The following AMMECR1 variants were observed in gnomAD, a reference collection of about 807,000 sequenced individuals.
The protein encoded by AMMECR1 is nuclear protein AMMECR1.
A neutral mutation model predicts 22.5 loss-of-function variants in AMMECR1; 3 were observed. That is an observed-to-expected ratio of 0.13 (90% CI 0.06 to 0.35). The LOEUF (loss-of-function observed/expected upper bound fraction) is 0.35, where lower values mean the gene tolerates loss of function less well. Among genes scored for constraint, AMMECR1 ranks in the 10% least tolerant of loss-of-function variants. AMMECR1 has a pLI of 1.00. For missense variants in AMMECR1, 235 were observed against 278.7 expected (o/e 0.84, Z 1.12); for synonymous variants, 130 against 116.7 (o/e 1.11, Z -0.74).
At chrX:110,331,021 C>T (rs1051368832) in intron 2 of AMMECR1, among the ~76,000 whole-genome samples, 2 of 110,144 alleles carry the variant, frequency 1.8e-5, no homozygotes, top group African/African-American at 6.6e-5. Flanking sequence ...TGTCCTTGTC[C>T]TATCAGACCT....
intron 2 of AMMECR1, among the ~76,000 whole-genome samples, chrX:110,233,525 AC>A (rs1007117520): frequency 2.7e-5 from 3 of 112,028 alleles, no homozygotes; most frequent in Non-Finnish European, 5.6e-5. Flanking sequence ...CAGAGACGCA[AC>A]AAAAAAGAGA....
chrX:110,317,918 G>A lies in AMMECR1; in HGVS notation c.154C>T (p.Arg52Trp). The A allele has an allele frequency of 8.4e-7, 1 of 1,195,976 alleles. No homozygotes were observed. The highest frequency in any genetic ancestry group is 3.0e-5 in the East Asian group (1 of 32,998). The stretch of plus-strand genomic sequence containing the variant: ...GTTAGACCTCCCAGCCCGTTGAGCC[G>A]CGTACCGGCGCCTCCTAGTCCCAGC... ...GELGLGGAGT[R>W]LNGLGGLTGG... Residue 52 changes from arginine (R) to tryptophan (W), a missense_variant, in exon 1 of 6, where the codon CGG becomes TGG. Physicochemically the swap from Arg to Trp is moderately radical, Grantham distance 101 (BLOSUM62 -3). Coordinates refer to ENST00000262844, the MANE Select transcript of AMMECR1 (RefSeq NM_015365.3).
At chrX:110,213,100 T>C (rs887623950) in intron 3 of AMMECR1, among the ~76,000 whole-genome samples, 1 of 112,368 alleles carries the variant, frequency 8.9e-6, no homozygotes, top group Non-Finnish European at 1.9e-5. Flanking sequence ...TCCATTTTTA[T>C]TGTAGTAAAA....
At chrX:110,343,790 T>C (rs1305840500) in intron 2 of AMMECR1, among the ~76,000 whole-genome samples, 2 of 110,681 alleles carry the variant, frequency 1.8e-5, no homozygotes, top group Non-Finnish European at 3.8e-5. Context: ...TTACAAGGGA[T>C]GTGAAGGACC....
At chrX:110,231,381 A>G (rs987170876) in intron 2 of AMMECR1, among the ~76,000 whole-genome samples, 6 of 112,304 alleles carry the variant, frequency 5.3e-5, no homozygotes, top group Non-Finnish European at 9.4e-5. Context: ...AAAGAAAAGA[A>G]TTTTCAACCC....
chrX:110,386,237 A>AATTCC (rs2148280651), intron 2 of AMMECR1, among the ~76,000 whole-genome samples: 1 of 111,250 alleles, frequency 9.0e-6, no homozygotes, highest in East Asian at 2.8e-4. Flanking sequence ...CACTATTTAA[A>AATTCC]ATTCCCTCCA....
chrX:110,333,591 A>G (rs924916393), intron 2 of AMMECR1, among the ~76,000 whole-genome samples: 3 of 111,967 alleles, frequency 2.7e-5, no homozygotes, highest in Non-Finnish European at 5.6e-5. Context: ...CATCAATGAT[A>G]GACTGGATAA....
At chrX:110,206,063 T>C (rs924387729) in intron 3 of AMMECR1, among the ~76,000 whole-genome samples, 1 of 112,484 alleles carries the variant, frequency 8.9e-6, no homozygotes, top group African/African-American at 3.2e-5. Context: ...TTGATTATTC[T>C]GGGGTTGATT....
At chrX:110,280,480 G>GA (rs1308910783) in intron 1 of AMMECR1, among the ~76,000 whole-genome samples, 1 of 111,237 alleles carries the variant, frequency 9.0e-6, no homozygotes, top group Non-Finnish European at 1.9e-5. Context: ...TGAAAATGTG[G>GA]AAAAAATTAG....
intron 2 of AMMECR1, among the ~76,000 whole-genome samples, chrX:110,416,082 G>A (rs1408258240): frequency 1.8e-5 from 2 of 110,454 alleles, no homozygotes; most frequent in Non-Finnish European, 3.8e-5. Flanking sequence ...TCACTCTGCC[G>A]TGGCAAGGCA....
At chrX:110,390,632 T>G (rs914141456) in intron 2 of AMMECR1, among the ~76,000 whole-genome samples, 1 of 111,820 alleles carries the variant, frequency 8.9e-6, no homozygotes, top group African/African-American at 3.3e-5. Context: ...TCCAGCAAAA[T>G]AGAGATGGCT....
intron 2 of AMMECR1, among the ~76,000 whole-genome samples, chrX:110,233,309 A>T (rs2067580251): frequency 8.9e-6 from 1 of 112,222 alleles, no homozygotes; most frequent in Non-Finnish European, 1.9e-5. Flanking sequence ...GAATAGACCA[A>T]TAACAGGCTC....
intron 2 of AMMECR1, among the ~76,000 whole-genome samples, chrX:110,260,453 C>T (rs2067734393): frequency 9.0e-6 from 1 of 110,754 alleles, no homozygotes; most frequent in South Asian, 3.7e-4. Context: ...TCAGGATAGG[C>T]ATTTCATTTA....
At chrX:110,298,173 A>G (rs931286403) in intron 1 of AMMECR1, among the ~76,000 whole-genome samples, 15 of 111,653 alleles carry the variant, frequency 1.3e-4, no homozygotes, top group Non-Finnish European at 1.9e-5. Context: ...TGAAGTCATA[A>G]CTAAACAGAA....
chrX:110,201,405 A>C (rs2067396390), intron 4 of AMMECR1, among the ~76,000 whole-genome samples: 1 of 111,822 alleles, frequency 8.9e-6, no homozygotes, highest in South Asian at 3.7e-4. Context: ...GGGAGTGAAA[A>C]GCCTATATGC....
chrX:110,208,837 C>A (rs910220127), intron 3 of AMMECR1, among the ~76,000 whole-genome samples: 24 of 111,371 alleles, frequency 2.2e-4, no homozygotes, highest in East Asian at 5.6e-4. Flanking sequence ...GGGGAAAAAA[C>A]CCCCAATTCT....
chrX:110,229,277 C>G (rs969135949), intron 2 of AMMECR1, among the ~76,000 whole-genome samples: 1 of 112,181 alleles, frequency 8.9e-6, no homozygotes, highest in African/African-American at 3.2e-5. Context: ...ACCTAGTTTT[C>G]AAAGAAAAAT....
At chrX:110,369,334 TAAAAGAAA>T (rs974304819) in intron 2 of AMMECR1, among the ~76,000 whole-genome samples, 12 of 110,267 alleles carry the variant, frequency 1.1e-4, no homozygotes, top group African/African-American at 1.6e-4. Flanking sequence ...TCTGTCTCAG[TAAAAGAAA>T]AAAAGAAAAA....
At chrX:110,351,763 C>A (rs970619935) in intron 2 of AMMECR1, among the ~76,000 whole-genome samples, 1 of 112,044 alleles carries the variant, frequency 8.9e-6, no homozygotes, top group Admixed American at 9.5e-5. Flanking sequence ...TAATTAAAAA[C>A]TTTAATGAAT....
Sources: allele counts gnomAD v4.1 joint callset (sites outside exome capture counted in the v4.1 genomes callset), GRCh38; gene constraint gnomAD v4.1.1; transcripts MANE v1.5; gene names NCBI Gene and HGNC (gene_info 2026-07-23, HGNC 2026-07-21).